The following ITGA1 variants were observed in gnomAD, a reference collection of about 807,000 sequenced individuals.
ITGA1 encodes integrin subunit alpha 1, also known as integrin alpha-1.
In ITGA1, 85 loss-of-function variants were observed where a neutral mutation model predicts 145.9. The ratio of observed to expected loss-of-function variants is 0.58; its 90% confidence interval spans 0.49 to 0.70. The LOEUF (loss-of-function observed/expected upper bound fraction) is 0.70, where lower values mean the gene tolerates loss of function less well. ITGA1 is among the 30% of genes least tolerant of loss of function. The pLI is 0.00. For synonymous variants in ITGA1, 520 were observed against 495.3 expected, an observed-to-expected ratio of 1.05 and a Z score of -0.66; for missense variants, 1,351 against 1,418.7, an observed-to-expected ratio of 0.95 and a Z score of 0.77.
chr5:52,915,704 T>C, intron 15 of ITGA1, 110 bp downstream of exon 15: 1 of 1,318,736 alleles, frequency 7.6e-7, no homozygotes, highest in South Asian at 1.4e-5. Flanking sequence ...TGTGTTCCAC[T>C]ATGCAAATAC....
chr5:52,899,854 A>C (rs932769749), intron 11 of ITGA1, among the ~76,000 whole-genome samples: 1 of 152,218 alleles, frequency 6.6e-6, no homozygotes, highest in Non-Finnish European at 1.5e-5. Flanking sequence ...ACTGAGAGAT[A>C]GAACAATTAT....
intron 28 of ITGA1, among the ~76,000 whole-genome samples, chr5:52,950,582 T>G (rs889016183): frequency 6.6e-6 from 1 of 152,190 alleles, no homozygotes; most frequent in African/African-American, 2.4e-5. Context: ...CTCTATTGGT[T>G]TCAAATTTGG....
chr5:52,896,173 G>T (rs17829979), intron 9 of ITGA1, among the ~76,000 whole-genome samples: 1,626 of 152,284 alleles, frequency 0.011, 13 homozygotes, highest in Middle Eastern at 0.017. Context: ...GAAGCAAGAA[G>T]CCCAGGAGAA....
chr5:52,884,971 G>A (rs559776902), intron 7 of ITGA1, among the ~76,000 whole-genome samples: 18 of 152,228 alleles, frequency 1.2e-4, no homozygotes, highest in Non-Finnish European at 1.9e-4. Context: ...TTTGTCCAAC[G>A]TGGCTACAAA....
chr5:52,854,016 T>C (rs979490142), intron 2 of ITGA1, among the ~76,000 whole-genome samples: 1 of 152,130 alleles, frequency 6.6e-6, no homozygotes, highest in African/African-American at 2.4e-5. Flanking sequence ...CTTCATTCCT[T>C]CCAGCATGTG....
At chr5:52,790,004 C>T (rs947746806) in intron 1 of ITGA1, among the ~76,000 whole-genome samples, 4 of 152,138 alleles carry the variant, frequency 2.6e-5, no homozygotes, top group East Asian at 3.9e-4. Context: ...ATGCCCATTT[C>T]GCAACACATG....
chr5:52,872,679 C>T (rs1749796513), intron 6 of ITGA1, among the ~76,000 whole-genome samples: 1 of 151,022 alleles, frequency 6.6e-6, no homozygotes, highest in Non-Finnish European at 1.5e-5. Flanking sequence ...CTGCCTCAGG[C>T]TCCCGAGTAG....
chr5:52,953,446 G>C lies in ITGA1; in HGVS notation c.*995G>C, dbSNP rs1386665114. The C allele has an allele frequency of 3.3e-5, 5 of 152,184 alleles. No homozygotes were observed. Among genetic ancestry groups the C allele is most frequent in the Non-Finnish European group, 7.3e-5 (5 of 68,028 alleles). The allele number at this position is 152,184 out of a possible 1,614,324, so 9.4% of individuals were successfully genotyped here. On this transcript the variant is annotated 3_prime_UTR_variant, in exon 29 of 29. Transcript: ENST00000282588. ...GGGTTCATTCAAACCCCCAAGCTGT[G>C]AGAGTGTGTTTATTTTTAATTTTTT...
intron 1 of ITGA1, among the ~76,000 whole-genome samples, chr5:52,842,410 G>A (rs1044920396): frequency 6.6e-6 from 1 of 152,114 alleles, no homozygotes; most frequent in Non-Finnish European, 1.5e-5. Flanking sequence ...CCCCACTGAT[G>A]TAACATACCT....
In ITGA1 at chr5:52,905,958, T is replaced by G. The variant is rs972266693; in HGVS notation, c.1455+50T>G. ...TTTAAATTAATCTATTCATACTCTA[T>G]GTATATTTACTGTCTATTGTCCTAA... On this transcript the variant is annotated intron_variant, in intron 12 of 28. Coordinates refer to ENST00000282588, the MANE Select transcript of ITGA1 (RefSeq NM_181501.2). 4.6e-6 allele frequency: 7 copies of G among 1,513,770 alleles called. No homozygotes were observed. The Admixed American group carries it at 1.2e-4, about 26-fold the overall frequency. 93.8% of individuals were successfully genotyped at this position (1,513,770 alleles called of 1,614,324 possible).
At chr5:52,802,428 TA>T (rs1418370124) in intron 1 of ITGA1, 4 of 152,246 alleles carry the variant, frequency 2.6e-5, no homozygotes, top group African/African-American at 7.2e-5. Flanking sequence ...CCAATCATGT[TA>T]AAAGGAAATT....
At chr5:52,910,498 G>C (rs1215480459) in intron 14 of ITGA1, 79 bp downstream of exon 14, 2 of 1,457,018 alleles carry the variant, frequency 1.4e-6, no homozygotes, top group African/African-American at 2.8e-5. Context: ...CTAACTTCAT[G>C]AGTTATTTAA....
At chr5:52,818,491 G>C (rs1373090029) in intron 1 of ITGA1, among the ~76,000 whole-genome samples, 2 of 152,202 alleles carry the variant, frequency 1.3e-5, no homozygotes, top group African/African-American at 4.8e-5. Context: ...CTGAGCCATT[G>C]TGTTATAAGG....
intron 1 of ITGA1, among the ~76,000 whole-genome samples, chr5:52,791,306 G>C (rs1748234271): frequency 6.6e-6 from 1 of 152,136 alleles, no homozygotes; most frequent in African/African-American, 2.4e-5. Flanking sequence ...AAAAGAACCT[G>C]AAGCAAGGTG....
chr5:52,788,384 G>T lies in ITGA1; in HGVS notation c.31G>T (p.Val11Phe), dbSNP rs746771583. 11 of 1,512,622 alleles carry T rather than the reference G, an allele frequency of 7.3e-6. No homozygotes were observed. The South Asian group carries it at 1.2e-4, about 17-fold the overall frequency. The allele number at this position is 1,512,622 out of a possible 1,614,324, so 93.7% of individuals were successfully genotyped here. Residue 11 changes from valine (V) to phenylalanine (F), a missense_variant, in exon 1 of 29, where the codon GTC becomes TTC. Val to Phe is a conservative substitution (Grantham distance 50). Coordinates refer to ENST00000282588, the MANE Select transcript of ITGA1 (RefSeq NM_181501.2). ...CCCTCGGCCCCGCGCCCGCCCAGGG[G>T]TCGCTGTCGCCTGCTGCTGGCTCCT... is the stretch of plus-strand genomic sequence containing the variant. MAPRPRARPG[V>F]AVACCWLLTV...
chr5:52,864,847 T>G lies in ITGA1; in HGVS notation c.380T>G (p.Phe127Cys). 1 of 1,604,868 alleles carries G rather than the reference T, an allele frequency of 6.2e-7. No individual in the cohort carries two copies. The highest frequency in any genetic ancestry group is 8.5e-7 in the Non-Finnish European group (1 of 1,171,914). The change falls in exon 4 of 29, where the codon TTT becomes TGT. Residue 127 changes from phenylalanine (F) to cysteine (C), a missense_variant. Coordinates refer to ENST00000282588, the MANE Select transcript of ITGA1 (RefSeq NM_181501.2). Reference protein sequence around the residue: ...STLVTNPNGGFLACGPLYAYR... With the variant: ...STLVTNPNGGCLACGPLYAYR... ...TTAGTCACCAACCCAAATGGAGGAT[T>G]TCTGGTAAGAATGGAGAGAATGATA...
At chr5:52,826,039 CT>C (rs1457847576) in intron 1 of ITGA1, among the ~76,000 whole-genome samples, 58 of 152,204 alleles carry the variant, frequency 3.8e-4, no homozygotes, top group African/African-American at 1.4e-3. Context: ...AATGACTGCG[CT>C]TAGTGAGGAA....
chr5:52,856,662 C>G (rs1749516247), intron 2 of ITGA1, among the ~76,000 whole-genome samples: 1 of 141,436 alleles, frequency 7.1e-6, no homozygotes, highest in Admixed American at 7.2e-5. Context: ...CTATTATTTT[C>G]CAAAGAAGAA....
At chr5:52,809,618 C>G (rs1372429285) in intron 1 of ITGA1, among the ~76,000 whole-genome samples, 1 of 151,164 alleles carries the variant, frequency 6.6e-6, no homozygotes, top group Non-Finnish European at 1.5e-5. Context: ...AATTCTCGTG[C>G]CTCACCCTCC....
Sources: gnomAD v4.1 joint callset for allele counts (sites outside exome capture counted in the v4.1 genomes callset) on GRCh38, gnomAD v4.1.1 for gene constraint, MANE v1.5 for transcripts, NCBI Gene and HGNC (gene_info 2026-07-23, HGNC 2026-07-21) for gene names.